The following ACOT1 variants were observed in gnomAD, a reference collection of about 807,000 sequenced individuals.
ACOT1 encodes the protein acyl-coenzyme A thioesterase 1.
Under a neutral mutation model 15.7 loss-of-function variants are expected in ACOT1, and 8 were observed. The observed-to-expected ratio is 0.51, with a 90% confidence interval of 0.30 to 0.92. The LOEUF (loss-of-function observed/expected upper bound fraction) is 0.92. Ranked by LOEUF, ACOT1 falls within the 40% of genes least tolerant of loss-of-function variation. The pLI, the probability that ACOT1 is intolerant of heterozygous loss-of-function variation, is 0.06. For missense variants in ACOT1, 151 were observed against 539.4 expected (o/e 0.28, Z 7.13); for synonymous variants, 67 against 241.2 (o/e 0.28, Z 6.69).
the ACOT1 span, among the ~76,000 whole-genome samples, chr14:73,501,742 T>C: frequency 6.6e-6 from 1 of 151,286 alleles, no homozygotes; most frequent in African/African-American, 2.4e-5. Context: ...ACTGGCTAAC[T>C]TTTTATTTTA....
At chr14:73,494,299 G>A in the ACOT1 span, among the ~76,000 whole-genome samples, 4 of 152,162 alleles carry the variant, frequency 2.6e-5, no homozygotes, top group Non-Finnish European at 5.9e-5. Context: ...AGTGACCTGA[G>A]GCTGATGCTA....
the ACOT1 span, among the ~76,000 whole-genome samples, chr14:73,510,406 A>C: frequency 1.3e-5 from 2 of 151,458 alleles, no homozygotes; most frequent in Non-Finnish European, 1.5e-5. Flanking sequence ...AGCATCAGGC[A>C]TCCCTGTTGG....
chr14:73,505,119 G>A, the ACOT1 span, among the ~76,000 whole-genome samples: 1 of 152,122 alleles, frequency 6.6e-6, no homozygotes, highest in African/African-American at 2.4e-5. Context: ...GTTTTGCCAT[G>A]ATGACCAGGC....
chr14:73,537,840 G>C lies in ACOT1; in HGVS notation c.419G>C (p.Arg140Pro). 8.3e-7 allele frequency: 1 copy of C among 1,208,228 alleles called. No individual in the cohort carries two copies. Among genetic ancestry groups the C allele is most frequent in the Non-Finnish European group, 1.1e-6 (1 of 922,594 alleles). The allele number at this position is 1,208,228 out of a possible 1,614,324, so 74.8% of individuals were successfully genotyped here. A position where few individuals can be genotyped will look rare whatever the true frequency, so the allele number is the denominator to read the frequency against. ...CCCGGGGTGCGGCGCGAGCCGGTGC[G>C]CGCGGGCCGGGTGCGAGGCACGCTC... ...LPPGVRREPVRAGRVRGTLFL... is the reference protein window; with the variant it reads ...LPPGVRREPVPAGRVRGTLFL... Residue 140 changes from arginine to proline, a missense_variant, in exon 1 of 3, where the codon CGC (arginine) becomes CCC (proline). Transcript: ENST00000311148.
At chr14:73,521,020 G>T in the ACOT1 span, 6 of 1,613,608 alleles carry the variant, frequency 3.7e-6, no homozygotes, top group East Asian at 4.5e-5. Flanking sequence ...GTCTCTGCTT[G>T]TTGGAAGTAA....
At chr14:73,539,796 CTGGGG>C (rs1421956440) in intron 1 of ACOT1, 1 of 116,722 alleles carries the variant, frequency 8.6e-6, no homozygotes, top group African/African-American at 2.8e-5. Context: ...TGCCGGGGCA[CTGGGG>C]TTTCTCGGGA....
chr14:73,511,303 A>G, the ACOT1 span, among the ~76,000 whole-genome samples: 1 of 151,948 alleles, frequency 6.6e-6, no homozygotes, highest in African/African-American at 2.4e-5. Flanking sequence ...ACTTGAGGTC[A>G]GGAGTTCAAG....
chr14:73,491,449 G>A, the ACOT1 span: 3 of 1,392,080 alleles, frequency 2.2e-6, no homozygotes, highest in Non-Finnish European at 2.8e-6. Context: ...GGGTGGTGGA[G>A]ACCTCGGCCC....
At chr14:73,496,871 T>G in the ACOT1 span, among the ~76,000 whole-genome samples, 1 of 152,134 alleles carries the variant, frequency 6.6e-6, no homozygotes, top group Non-Finnish European at 1.5e-5. Context: ...TTTGAGACAA[T>G]ATATTTGTGG....
At chr14:73,528,392 CAAAAAAAAA>C in the ACOT1 span, among the ~76,000 whole-genome samples, 10 of 88,496 alleles carry the variant, frequency 1.1e-4, no homozygotes, top group African/African-American at 4.3e-4. Context: ...AACTTCATCT[CAAAAAAAAA>C]AAAAAAAAAA....
At chr14:73,542,984 C>T in intron 2 of ACOT1, 66 bp from the exon 3 acceptor site, 1 of 1,228,232 alleles carries the variant, frequency 8.1e-7, no homozygotes, top group Non-Finnish European at 1.1e-6. Flanking sequence ...CCAGGGTGGG[C>T]ACAACTCACC....
chr14:73,522,542 G>A, the ACOT1 span: 1 of 1,614,162 alleles, frequency 6.2e-7, no homozygotes, highest in Non-Finnish European at 8.5e-7. Flanking sequence ...CAGCACAGTG[G>A]CCTCCCACGC....
At chr14:73,498,768 T>C in the ACOT1 span, among the ~76,000 whole-genome samples, 1 of 152,206 alleles carries the variant, frequency 6.6e-6, no homozygotes, top group Non-Finnish European at 1.5e-5. Context: ...AGTTGAGATC[T>C]CCAAGGAAAG....
At chr14:73,492,218 C>T in the ACOT1 span, 10 of 1,613,892 alleles carry the variant, frequency 6.2e-6, no homozygotes, top group Non-Finnish European at 8.5e-6. This position sits in a 1 kb window ranked among gnomAD's most constrained non-coding sequence, Gnocchi z 4.9. Context: ...GTATTTTCCT[C>T]GGGGCTTCAT....
At chr14:73,503,092 CT>C in the ACOT1 span, 10 of 1,104,868 alleles carry the variant, frequency 9.1e-6, no homozygotes, top group Non-Finnish European at 1.2e-5. Context: ...GTTTTTTCTT[CT>C]TTTTTTACTC....
At chr14:73,514,017 C>T in the ACOT1 span, 1 of 1,613,218 alleles carries the variant, frequency 6.2e-7, no homozygotes, top group Non-Finnish European at 8.5e-7. Context: ...ATCACAGGAC[C>T]TCCCTTCACT....
At chr14:73,491,267 G>C in the ACOT1 span, 2 of 1,570,876 alleles carry the variant, frequency 1.3e-6, no homozygotes, top group Non-Finnish European at 1.7e-6. Flanking sequence ...CGGTGGGGCG[G>C]CGGTGGCGGC....
chr14:73,528,580 G>A, the ACOT1 span, among the ~76,000 whole-genome samples: 5 of 152,058 alleles, frequency 3.3e-5, no homozygotes, highest in African/African-American at 1.2e-4. Context: ...CGGGACAGGT[G>A]TAAGGCCAAA....
At chr14:73,498,838 A>G in the ACOT1 span, among the ~76,000 whole-genome samples, 5 of 152,314 alleles carry the variant, frequency 3.3e-5, no homozygotes, top group Non-Finnish European at 7.3e-5. Flanking sequence ...GTTGGCAGGG[A>G]CTGTCTTGTC....
Sources: gnomAD v4.1 joint callset for allele counts (sites outside exome capture counted in the v4.1 genomes callset) on GRCh38, gnomAD v4.1.1 for gene constraint, Gnocchi (gnomAD v3.1) non-coding constraint, MANE v1.5 for transcripts, NCBI Gene and HGNC (gene_info 2026-07-23, HGNC 2026-07-21) for gene names.